The following PROS1 variants were observed in gnomAD, a reference collection of about 807,000 sequenced individuals.
PROS1 encodes protein S, also known as vitamin K-dependent protein S.
Under a neutral mutation model 75.9 loss-of-function variants are expected in PROS1, and 29 were observed. The ratio of observed to expected loss-of-function variants is 0.38; its 90% CI spans 0.28 to 0.52. The LOEUF (loss-of-function observed/expected upper bound fraction) is 0.52. Ranked by LOEUF, PROS1 falls within the 20% of genes least tolerant of loss-of-function variation. PROS1 has a pLI of 0.83. For synonymous variants in PROS1, 245 were observed against 280.6 expected, an observed-to-expected ratio of 0.87 and a Z score of 1.27; for missense variants, 680 against 810.3, an observed-to-expected ratio of 0.84 and a Z score of 1.95.
Position 93,877,159 on chromosome 3 carries a change from T to C in PROS1, c.1677A>G (p.Ile559Met), listed in dbSNP as rs184798444. 6.2e-5 allele frequency: 99 copies of C among 1,608,380 alleles called. No homozygotes were observed. The highest frequency in any genetic ancestry group is 1.0e-4 in the Admixed American group (6 of 60,012). Residue 559 changes from isoleucine to methionine, a missense_variant, in exon 14 of 15, where the codon ATA (isoleucine) becomes ATG (methionine). Ile to Met is a conservative substitution (Grantham distance 10). Coordinates refer to ENST00000394236, the MANE Select transcript of PROS1 (RefSeq NM_000313.4). Reference protein sequence around the residue: ...DILLSVENTVIYRIQALSLCS... With the variant: ...DILLSVENTVMYRIQALSLCS... ...ATAGACTTAGGGCCTGTATCCGATATATTACAGTATTTTCAACAGATAACA... is the reference window on the plus strand; with the variant it reads ...ATAGACTTAGGGCCTGTATCCGATACATTACAGTATTTTCAACAGATAACA...
At chr3:93,918,606 G>A (rs1231712960) in intron 3 of PROS1, among the ~76,000 whole-genome samples, 1 of 152,066 alleles carries the variant, frequency 6.6e-6, no homozygotes, top group Non-Finnish European at 1.5e-5. Flanking sequence ...AACACTCACC[G>A]CGAGGGTCGG....
chr3:93,964,961 G>A (rs1709764868), intron 1 of PROS1, among the ~76,000 whole-genome samples: 1 of 152,158 alleles, frequency 6.6e-6, no homozygotes, highest in African/African-American at 2.4e-5. Flanking sequence ...CTGGGAAGGT[G>A]ACTACATCCA....
intron 1 of PROS1, among the ~76,000 whole-genome samples, chr3:93,970,919 G>C (rs999299631): frequency 1.1e-4 from 16 of 152,150 alleles, no homozygotes; most frequent in African/African-American, 3.9e-4. Flanking sequence ...GATTCCTTGA[G>C]GCCAGGAGTT....
chr3:93,887,333 A>G (rs113429030), intron 10 of PROS1, among the ~76,000 whole-genome samples: 9 of 152,342 alleles, frequency 5.9e-5, no homozygotes, highest in African/African-American at 2.2e-4. Flanking sequence ...AAAAAAATAC[A>G]TAAAATTAAA....
chr3:93,875,655 TATCTATCTATCTATCTATCTATC>T (rs1449870392), intron 14 of PROS1, among the ~76,000 whole-genome samples: 76 of 151,606 alleles, frequency 5.0e-4, no homozygotes, highest in Non-Finnish European at 7.4e-4. Context: ...TCTATCTATC[TATCTATCTATCTATCTATCTATC>T]ATCTATCTAT....
chr3:93,955,854 T>A (rs1370539700), intron 1 of PROS1, among the ~76,000 whole-genome samples: 1 of 152,222 alleles, frequency 6.6e-6, no homozygotes, highest in Non-Finnish European at 1.5e-5. Flanking sequence ...ATATATATTT[T>A]AAGTTGGCTA....
intron 1 of PROS1, among the ~76,000 whole-genome samples, chr3:93,968,855 C>T (rs1364114687): frequency 3.9e-5 from 6 of 152,134 alleles, no homozygotes; most frequent in Non-Finnish European, 2.9e-5. Context: ...CTACTGTCCA[C>T]AGGAGAAATA....
chr3:93,936,091 C>A (rs1399861060), intron 1 of PROS1, among the ~76,000 whole-genome samples: 1 of 151,750 alleles, frequency 6.6e-6, no homozygotes, highest in Non-Finnish European at 1.5e-5. Context: ...CCCATCTCCC[C>A]CCCACACCCC....
chr3:93,899,739 G>A (rs911422509), intron 7 of PROS1, among the ~76,000 whole-genome samples: 12 of 152,218 alleles, frequency 7.9e-5, no homozygotes, highest in African/African-American at 2.9e-4. Context: ...ACTTCATAGA[G>A]ACAGAAAACA....
At chr3:93,937,057 C>A (rs886440909) in intron 1 of PROS1, among the ~76,000 whole-genome samples, 3 of 152,104 alleles carry the variant, frequency 2.0e-5, no homozygotes, top group Non-Finnish European at 2.9e-5. Flanking sequence ...CGTAGCAGGA[C>A]GAGCCACAGA....
At chr3:93,878,544 T>C (rs762571894) in intron 13 of PROS1, among the ~76,000 whole-genome samples, 4 of 152,220 alleles carry the variant, frequency 2.6e-5, no homozygotes, top group Non-Finnish European at 4.4e-5. Context: ...AGAACGACTA[T>C]GCTCTAATAG....
intron 1 of PROS1, among the ~76,000 whole-genome samples, chr3:93,955,743 A>C (rs567284636): frequency 1.7e-4 from 26 of 152,254 alleles, no homozygotes; most frequent in African/African-American, 6.3e-4. Context: ...AAGAAAGGCA[A>C]AGAAAATTCT....
intron 2 of PROS1, among the ~76,000 whole-genome samples, chr3:93,925,134 T>A (rs910631662): frequency 6.6e-6 from 1 of 152,212 alleles, no homozygotes; most frequent in African/African-American, 2.4e-5. Context: ...ATGTTAAAAA[T>A]TTCTGATAGT....
At chr3:93,964,684 A>G (rs2107265608) in intron 1 of PROS1, among the ~76,000 whole-genome samples, 1 of 152,130 alleles carries the variant, frequency 6.6e-6, no homozygotes. Context: ...GAAGCATGTG[A>G]TCTTTGTGAC....
chr3:93,902,737 G>A (rs1226357068), intron 6 of PROS1, among the ~76,000 whole-genome samples: 10 of 151,024 alleles, frequency 6.6e-5, no homozygotes, highest in African/African-American at 2.4e-4. Context: ...GCATCATAGC[G>A]AGACTCTGTC....
chr3:93,955,198 C>G (rs1709578624), intron 1 of PROS1, among the ~76,000 whole-genome samples: 1 of 152,150 alleles, frequency 6.6e-6, no homozygotes, highest in Admixed American at 6.5e-5. Context: ...ACTAGAAATA[C>G]CAATTGACCC....
chr3:93,879,726 C>T (rs1156698115), intron 12 of PROS1, among the ~76,000 whole-genome samples: 1 of 152,154 alleles, frequency 6.6e-6, no homozygotes, highest in African/African-American at 2.4e-5. Flanking sequence ...CAGTTGCCAT[C>T]ATCACTCCAA....
chr3:93,892,689 TA>T (rs1338952395), intron 10 of PROS1, among the ~76,000 whole-genome samples: 2 of 151,040 alleles, frequency 1.3e-5, no homozygotes, highest in Admixed American at 6.6e-5. Flanking sequence ...AAACAGCAAC[TA>T]AAAAAGGTAA....
At chr3:93,953,653 T>C (rs182421915) in intron 1 of PROS1, among the ~76,000 whole-genome samples, 127 of 148,114 alleles carry the variant, frequency 8.6e-4, no homozygotes, top group Non-Finnish European at 1.6e-3. Context: ...AGCATTCCCT[T>C]TGAAAATTGG....
Sources: gnomAD v4.1 joint callset for allele counts (sites outside exome capture counted in the v4.1 genomes callset) on GRCh38, gnomAD v4.1.1 for gene constraint, MANE v1.5 for transcripts, NCBI Gene and HGNC (gene_info 2026-07-23, HGNC 2026-07-21) for gene names.